Variants in SREBF2 observed in about 807,000 individuals in gnomAD.
The protein encoded by SREBF2 is sterol regulatory element-binding protein 2.
A neutral mutation model predicts 113.1 loss-of-function variants in SREBF2; 55 were observed. The ratio of observed to expected loss-of-function variants is 0.49; its 90% CI spans 0.39 to 0.61. The LOEUF (loss-of-function observed/expected upper bound fraction) is 0.61. Ranked by LOEUF, SREBF2 falls within the 20% of genes least tolerant of loss-of-function variation. The pLI is 0.00. For missense variants in SREBF2, 1,349 were observed against 1,487.4 expected (o/e 0.91, Z 1.53); for synonymous variants, 593 against 605.7 (o/e 0.98, Z 0.31).
At chr22:41,892,602 C>T (rs978307144) in intron 11 of SREBF2, among the ~76,000 whole-genome samples, 2 of 145,322 alleles carry the variant, frequency 1.4e-5, no homozygotes, top group Non-Finnish European at 3.0e-5. Flanking sequence ...GAGTCGAGAT[C>T]GCGCCACTGC....
chr22:41,875,769 T>C (rs1245378772), intron 7 of SREBF2, 45 bp downstream of exon 7: 1 of 1,607,758 alleles, frequency 6.2e-7, no homozygotes. Flanking sequence ...CTTTCCCATT[T>C]CCCCTAAGAA....
chr22:41,858,284 G>A (rs1233646368), intron 1 of SREBF2, among the ~76,000 whole-genome samples: 1 of 152,146 alleles, frequency 6.6e-6, no homozygotes, highest in African/African-American at 2.4e-5. Flanking sequence ...TGAACGAAAA[G>A]TACAAATGAA....
intron 1 of SREBF2, among the ~76,000 whole-genome samples, chr22:41,851,210 T>C (rs2076927078): frequency 6.6e-6 from 1 of 152,208 alleles, no homozygotes; most frequent in Non-Finnish European, 1.5e-5. Flanking sequence ...AAATAAAATA[T>C]AAATATGCTT....
chr22:41,858,936 G>A (rs1317156375), intron 1 of SREBF2, among the ~76,000 whole-genome samples: 2 of 152,148 alleles, frequency 1.3e-5, no homozygotes, highest in African/African-American at 4.8e-5. Flanking sequence ...GAGGTCAGGG[G>A]TTCGAGACCA....
intron 4 of SREBF2, among the ~76,000 whole-genome samples, chr22:41,871,661 AG>A (rs1240865316): frequency 6.6e-6 from 1 of 150,946 alleles, no homozygotes; most frequent in Non-Finnish European, 1.5e-5. Flanking sequence ...GGAGGCCAAG[AG>A]GGGTGGATCA....
At chr22:41,899,519 AC>A (rs747321842) in intron 15 of SREBF2, 127 of 991,424 alleles carry the variant, frequency 1.3e-4, no homozygotes, top group Non-Finnish European at 1.5e-4. Flanking sequence ...TATCAAGCAG[AC>A]CCTTAACCGG....
At chr22:41,839,084 G>C (rs765361100) in intron 1 of SREBF2, among the ~76,000 whole-genome samples, 1 of 152,160 alleles carries the variant, frequency 6.6e-6, no homozygotes, top group Non-Finnish European at 1.5e-5. Context: ...CAAGGAGTGA[G>C]TGTTGGGGAT....
intron 12 of SREBF2, among the ~76,000 whole-genome samples, chr22:41,894,521 C>T (rs1172602372): frequency 2.6e-5 from 4 of 152,144 alleles, no homozygotes; most frequent in African/African-American, 9.7e-5. Context: ...TCTGATCCAA[C>T]TCCACCTGAC....
At chr22:41,849,643 AAGAG>A (rs900394517) in intron 1 of SREBF2, among the ~76,000 whole-genome samples, 1 of 152,232 alleles carries the variant, frequency 6.6e-6, no homozygotes, top group Non-Finnish European at 1.5e-5. Flanking sequence ...TATACTTAAA[AAGAG>A]AGAGATTGTT....
intron 11 of SREBF2, among the ~76,000 whole-genome samples, chr22:41,888,140 G>T (rs1054823589): frequency 2.6e-5 from 4 of 152,208 alleles, no homozygotes; most frequent in African/African-American, 9.7e-5. Context: ...CTTAATTTCA[G>T]TGAAATCCAG....
chr22:41,869,357 G>T (rs2077117432), intron 3 of SREBF2, among the ~76,000 whole-genome samples: 1 of 148,908 alleles, frequency 6.7e-6, no homozygotes, highest in Non-Finnish European at 1.5e-5. Flanking sequence ...GCCTCCCAAA[G>T]TGCTGGGATT....
intron 1 of SREBF2, among the ~76,000 whole-genome samples, chr22:41,861,495 A>T (rs1025549563): frequency 6.2e-5 from 9 of 145,356 alleles, no homozygotes; most frequent in African/African-American, 5.0e-5. Context: ...GACTCCATTT[A>T]AAAAAAAAAA....
At chr22:41,856,388 C>T (rs1297059337) in intron 1 of SREBF2, among the ~76,000 whole-genome samples, 1 of 152,170 alleles carries the variant, frequency 6.6e-6, no homozygotes, top group East Asian at 1.9e-4. Context: ...CTCAGCCTCT[C>T]AAAGTGCTGG....
chr22:41,833,621 G>A lies in SREBF2; in HGVS notation c.88+263G>A, dbSNP rs1218097125. On this transcript the variant is annotated intron_variant, in intron 1 of 18. Coordinates refer to ENST00000361204, the MANE Select transcript of SREBF2 (RefSeq NM_004599.4). This position sits in a 1 kb window ranked among gnomAD's most constrained non-coding sequence, Gnocchi z 4.1. ...GAGGGTCGCGGGTTCCAGAGCGCGG[G>A]GCTAGGGACGTCGCGGGGGCGTCTC... 5.2e-6 allele frequency: 2 copies of A among 385,556 alleles called. No homozygotes were observed. Among genetic ancestry groups the A allele is most frequent in the African/African-American group, 4.2e-5 (2 of 47,100 alleles). The allele number at this position is 385,556 out of a possible 1,614,324, so 23.9% of individuals were successfully genotyped here.
chr22:41,858,448 G>A (rs1169054640), intron 1 of SREBF2, among the ~76,000 whole-genome samples: 1 of 152,124 alleles, frequency 6.6e-6, no homozygotes, highest in East Asian at 1.9e-4. Context: ...CATGCCATGC[G>A]AAATCATGCA....
intron 10 of SREBF2, 116 bp downstream of exon 10, chr22:41,881,108 T>C: frequency 7.4e-7 from 1 of 1,357,678 alleles, no homozygotes; most frequent in Non-Finnish European, 1.0e-6. Context: ...CGCTACTCTT[T>C]TAGAGTGGCT....
chr22:41,900,589 G>C (rs542932391), intron 16 of SREBF2, 91 bp downstream of exon 16: 2 of 1,370,358 alleles, frequency 1.5e-6, no homozygotes, highest in African/African-American at 1.4e-5. Context: ...CCTGCGGGTG[G>C]GGCCATCCGA....
intron 1 of SREBF2, among the ~76,000 whole-genome samples, chr22:41,846,595 A>G (rs992562783): frequency 9.2e-5 from 14 of 152,300 alleles, no homozygotes; most frequent in Middle Eastern, 3.4e-3. Flanking sequence ...GCCGCCAAAT[A>G]TACATGGTAG....
intron 1 of SREBF2, among the ~76,000 whole-genome samples, chr22:41,842,206 G>A (rs147739061): frequency 2.6e-4 from 39 of 151,974 alleles, no homozygotes; most frequent in African/African-American, 3.6e-4. Flanking sequence ...TCTTGCTCCC[G>A]GCCCTACCCA....
Sources: gnomAD v4.1 joint callset for allele counts (sites outside exome capture counted in the v4.1 genomes callset) on GRCh38, gnomAD v4.1.1 for gene constraint, Gnocchi (gnomAD v3.1) non-coding constraint, MANE v1.5 for transcripts, NCBI Gene and HGNC (gene_info 2026-07-23, HGNC 2026-07-21) for gene names.